PRKACA: variants seen among roughly 807,000 people sequenced by gnomAD.
PRKACA encodes cAMP-dependent protein kinase catalytic subunit alpha.
A neutral mutation model predicts 45.8 loss-of-function variants in PRKACA; 9 were observed. The ratio of observed to expected loss-of-function variants is 0.20; its 90% CI spans 0.12 to 0.34. The LOEUF (loss-of-function observed/expected upper bound fraction) is 0.34. Ranked by LOEUF, PRKACA falls within the 10% of genes least tolerant of loss-of-function variation. The pLI, the probability that PRKACA is intolerant of heterozygous loss-of-function variation, is 1.00. For synonymous variants in PRKACA, 160 were observed against 178.6 expected, an observed-to-expected ratio of 0.90 and a Z score of 0.83; for missense variants, 238 against 458.6, an observed-to-expected ratio of 0.52 and a Z score of 4.39.
rs1977622798 is a variant in PRKACA, at chr19:14,106,836, G to A, written c.161C>T (p.Ser54Phe). The change falls in exon 3 of 10, where the codon TCC (serine) becomes TTC (phenylalanine). Residue 54 changes from serine to phenylalanine, a missense_variant. By Grantham distance (155) the Ser-to-Phe change is radical (BLOSUM62 -2). This residue lies in a region of PRKACA where 93 missense variants were observed against 149.1 expected (regional missense o/e 0.62). Transcript: ENST00000308677. ...TTTCACCAGCATCACCCGCCCGAAGGAGCCCGTGCCGAGGGTCTTGATTCG... is the reference window on the plus strand; with the variant it reads ...TTTCACCAGCATCACCCGCCCGAAGAAGCCCGTGCCGAGGGTCTTGATTCG... ...FERIKTLGTGSFGRVMLVKHK... is the reference protein window; with the variant it reads ...FERIKTLGTGFFGRVMLVKHK... The A allele has an allele frequency of 6.2e-7, 1 of 1,614,192 alleles. No individual in the cohort carries two copies. The highest frequency in any genetic ancestry group is 8.5e-7 in the Non-Finnish European group (1 of 1,180,034).
At chr19:14,093,822 G>A in intron 8 of PRKACA, 30 bp from the exon 9 acceptor site, 1 of 1,592,194 alleles carries the variant, frequency 6.3e-7, no homozygotes, top group South Asian at 1.1e-5. Flanking sequence ...GACAGGGTGG[G>A]AAGCTGGTCT....
chr19:14,105,981 G>T (rs552365892), intron 3 of PRKACA, among the ~76,000 whole-genome samples: 1 of 152,218 alleles, frequency 6.6e-6, no homozygotes, highest in South Asian at 2.1e-4. Flanking sequence ...TCCATGGCCG[G>T]CCTGGAGAGG....
chr19:14,107,983 A>G (rs1383937295), intron 1 of PRKACA: 1 of 985,922 alleles, frequency 1.0e-6, no homozygotes, highest in Admixed American at 6.1e-5. Flanking sequence ...CAAGGTGAAC[A>G]TCACCGCCTG....
At chr19:14,116,367 C>T (rs1023544670) in intron 1 of PRKACA, among the ~76,000 whole-genome samples, 1 of 152,200 alleles carries the variant, frequency 6.6e-6, no homozygotes, top group African/African-American at 2.4e-5. Context: ...AGGTCTCTCT[C>T]TGGCTGAGCC....
intron 9 of PRKACA, 53 bp downstream of exon 9, chr19:14,093,575 T>C (rs1977157115): frequency 6.4e-7 from 1 of 1,569,040 alleles, no homozygotes. Context: ...CTGTCCTCCC[T>C]GACTCTTGGC....
At chr19:14,096,031 A>AGTT (rs1977240779) in intron 8 of PRKACA, among the ~76,000 whole-genome samples, 4 of 108,960 alleles carry the variant, frequency 3.7e-5, no homozygotes, top group African/African-American at 1.6e-4. Flanking sequence ...GCTAATTTTT[A>AGTT]GTTTTTTTTT....
At chr19:14,115,260 A>T (rs1045113446) in intron 1 of PRKACA, 1 of 271,644 alleles carries the variant, frequency 3.7e-6, no homozygotes, top group African/African-American at 2.3e-5. Flanking sequence ...TGGCAATCCC[A>T]TGATTTCATT....
At chr19:14,117,401 A>T in intron 1 of PRKACA, 101 bp downstream of exon 1, 1 of 1,153,580 alleles carries the variant, frequency 8.7e-7, no homozygotes, top group Non-Finnish European at 1.1e-6. Flanking sequence ...GGGTAGGCAG[A>T]GAGGATGAGG....
chr19:14,099,899 A>G (rs7249894), intron 5 of PRKACA, among the ~76,000 whole-genome samples: 3,910 of 152,174 alleles, frequency 0.026, 174 homozygotes, highest in African/African-American at 0.091. Flanking sequence ...CTGGAAGTGC[A>G]GTGGCGCGAT....
chr19:14,097,650 G>A lies in PRKACA; in HGVS notation c.571C>T (p.Arg191Cys), dbSNP rs761845520. The A allele has an allele frequency of 1.9e-6, 3 of 1,609,594 alleles. No homozygotes were observed. The highest frequency in any genetic ancestry group is 4.5e-5 in the East Asian group (2 of 44,770). Residue 191 changes from arginine to cysteine, a missense_variant, in exon 7 of 10, where the codon CGC (arginine) becomes TGC (cysteine). This residue lies in a region of PRKACA where 94 missense variants were observed against 240.9 expected (regional missense o/e 0.39). Transcript: ENST00000308677. The surrounding 1 kb of genome is among the most constrained non-coding windows in gnomAD (Gnocchi z 5.4). Reference sequence around the variant, plus strand: ...AAGGTCCAAGTGCGGCCCTTCACGCGCTTGGCGAAACCGAAGTCTGTCACC... The same window carrying A: ...AAGGTCCAAGTGCGGCCCTTCACGCACTTGGCGAAACCGAAGTCTGTCACC... ...IQVTDFGFAK[R>C]VKGRTWTLCG...
At chr19:14,106,382 G>A (rs1190541310) in intron 3 of PRKACA, among the ~76,000 whole-genome samples, 2 of 152,068 alleles carry the variant, frequency 1.3e-5, no homozygotes, top group African/African-American at 2.4e-5. Context: ...GGCCAGGCGC[G>A]GTGGCTCACG....
intron 3 of PRKACA, among the ~76,000 whole-genome samples, chr19:14,105,511 C>CAA (rs199884443): frequency 2.7e-5 from 3 of 110,012 alleles, no homozygotes; most frequent in African/African-American, 6.4e-5. Context: ...GACTCTGTCT[C>CAA]AAAAAAAAAA....
At chr19:14,117,190 C>T (rs1967125635) in intron 1 of PRKACA, among the ~76,000 whole-genome samples, 2 of 148,870 alleles carry the variant, frequency 1.3e-5, no homozygotes, top group Non-Finnish European at 3.0e-5. Context: ...GGAAGAGGGG[C>T]CAGGAAAGGA....
chr19:14,096,954 C>T (rs1401054667), intron 8 of PRKACA: 3 of 317,190 alleles, frequency 9.5e-6, no homozygotes, highest in African/African-American at 6.5e-5. Context: ...GCTATAAATG[C>T]TAAGTGAGGG....
intron 8 of PRKACA, among the ~76,000 whole-genome samples, chr19:14,094,316 G>A (rs1977184134): frequency 6.6e-6 from 1 of 152,034 alleles, no homozygotes; most frequent in Admixed American, 6.6e-5. Context: ...AGCCTCCTGA[G>A]TAGCTGGGAT....
At chr19:14,093,360 AG>A (rs1271006218) in intron 9 of PRKACA, 123 bp from the exon 10 acceptor site, 1 of 1,331,324 alleles carries the variant, frequency 7.5e-7, no homozygotes, top group East Asian at 2.4e-5. Context: ...GCTTACCATT[AG>A]GTTATGGATT....
In PRKACA at chr19:14,097,987, C is replaced by T; in HGVS notation, c.420-97G>A. On this transcript the variant is annotated intron_variant, in intron 5 of 9. Coordinates refer to ENST00000308677, the MANE Select transcript of PRKACA (RefSeq NM_002730.4). The surrounding 1 kb of genome is among the most constrained non-coding windows in gnomAD (Gnocchi z 5.4). ...AGCCTACCCCAGAGGAAGACACCTC[C>T]AGTCCAGCCGTCAGAAACGCAAGGC... 2.7e-6 allele frequency: 4 copies of T among 1,496,290 alleles called. No individual in the cohort carries two copies. Among genetic ancestry groups the T allele is most frequent in the Non-Finnish European group, 3.6e-6 (4 of 1,096,240 alleles). The allele number at this position is 1,496,290 out of a possible 1,614,324, so 92.7% of individuals were successfully genotyped here. A position where few individuals can be genotyped will look rare whatever the true frequency, so the allele number is the denominator to read the frequency against.
Position 14,097,131 on chromosome 19 carries a change from C to T in PRKACA, c.765+230G>A, listed in dbSNP as rs1030819049. 2.5e-5 allele frequency: 15 copies of T among 590,166 alleles called. No individual in the cohort carries two copies. Among genetic ancestry groups the T allele is most frequent in the African/African-American group, 9.3e-5 (5 of 53,498 alleles). 36.6% of individuals were successfully genotyped at this position (590,166 alleles called of 1,614,324 possible). A position where few individuals can be genotyped will look rare whatever the true frequency, so the allele number is the denominator to read the frequency against. On this transcript the variant is annotated intron_variant, in intron 8 of 9. Coordinates refer to ENST00000308677, the MANE Select transcript of PRKACA (RefSeq NM_002730.4). This position sits in a 1 kb window ranked among gnomAD's most constrained non-coding sequence, Gnocchi z 5.4. ...GTGGCCAAGATGTTCCCGTGAGGCT[C>T]GGGATTTTGGAAGCCCATGGGATTC...
In PRKACA at chr19:14,100,831, C is replaced by T. The variant is rs1375013531; in HGVS notation, c.414G>A (p.Arg138=). The T allele has an allele frequency of 6.2e-7, 1 of 1,613,896 alleles. No homozygotes were observed. The highest frequency in any genetic ancestry group is 8.5e-7 in the Non-Finnish European group (1 of 1,179,932). Residue 138 remains arginine, a synonymous_variant, in exon 5 of 10, where the codon AGG becomes AGA. Coordinates refer to ENST00000308677, the MANE Select transcript of PRKACA (RefSeq NM_002730.4). ...ATGGGGGGTGGCCCGCTTACCTGAA[C>T]CTTCCGATCCGCCGTAGGTGTGAGA... is the stretch of plus-strand genomic sequence containing the variant. The part of the protein sequence containing the change: ...EMFSHLRRIG[R]FSEPHARFYA...
Sources: gnomAD v4.1 joint callset for allele counts (sites outside exome capture counted in the v4.1 genomes callset) on GRCh38, gnomAD v4.1.1 for gene constraint, gnomAD v4.1.1 regional missense constraint, Gnocchi (gnomAD v3.1) non-coding constraint, MANE v1.5 for transcripts, NCBI Gene and HGNC (gene_info 2026-07-23, HGNC 2026-07-21) for gene names.